PCDHA10: variants seen among roughly 807,000 people sequenced by gnomAD.
PCDHA10 encodes the protein protocadherin alpha 10.
A neutral mutation model predicts 61.2 loss-of-function variants in PCDHA10; 45 were observed. The ratio of observed to expected loss-of-function variants is 0.74; its 90% confidence interval spans 0.58 to 0.94. PCDHA10 has a LOEUF of 0.94. Among genes scored for constraint, PCDHA10 ranks in the 40% least tolerant of loss-of-function variants. PCDHA10 has a pLI of 0.00. For missense variants in PCDHA10, 1,278 were observed against 1,236.2 expected, an observed-to-expected ratio of 1.03 and a Z score of -0.51; for synonymous variants, 602 against 548.8, an observed-to-expected ratio of 1.10 and a Z score of -1.35.
chr5:140,934,337 A>G (rs1404340648), intron 1 of PCDHA10, among the ~76,000 whole-genome samples: 1 of 152,128 alleles, frequency 6.6e-6, no homozygotes, highest in African/African-American at 2.4e-5. Context: ...TGTAATAACC[A>G]CCAGTACAGT....
At chr5:140,880,042 G>A (rs530262393) in intron 1 of PCDHA10, among the ~76,000 whole-genome samples, 3 of 152,208 alleles carry the variant, frequency 2.0e-5, no homozygotes, top group Non-Finnish European at 4.4e-5. Flanking sequence ...CAGGGATTAA[G>A]ATGTGGGCAT....
Position 140,858,251 on chromosome 5 carries a change from C to A in PCDHA10, c.2203C>A (p.Pro735Thr). 6.3e-7 allele frequency: 1 copy of A among 1,596,688 alleles called. No homozygotes were observed. Among genetic ancestry groups the A allele is most frequent in the East Asian group, 2.2e-5 (1 of 44,810 alleles). The change falls in exon 1 of 4, where the codon CCC (proline) becomes ACC (threonine). Residue 735 changes from proline (P) to threonine (T), a missense_variant. Pro to Thr is a conservative substitution (Grantham distance 38, BLOSUM62 -1). Coordinates refer to ENST00000307360, the MANE Select transcript of PCDHA10 (RefSeq NM_018901.4). The stretch of plus-strand genomic sequence containing the variant: ...CGAGGGCGCATGTGGGCCGGTGAAG[C>A]CCACGCTGGTGTGCTCTAGCGCGGT... ...PTEGACGPVK[P>T]TLVCSSAVGS...
chr5:140,962,036 A>G (rs761594563), intron 1 of PCDHA10, among the ~76,000 whole-genome samples: 10 of 151,802 alleles, frequency 6.6e-5, no homozygotes, highest in Non-Finnish European at 1.2e-4. Flanking sequence ...GGCACCCACC[A>G]CCATGCCTGG....
chr5:140,988,500 C>T (rs1340106461), intron 3 of PCDHA10, among the ~76,000 whole-genome samples: 1 of 152,116 alleles, frequency 6.6e-6, no homozygotes, highest in Non-Finnish European at 1.5e-5. Flanking sequence ...TAGGAGAAGC[C>T]ATGAAGCTTA....
At chr5:140,866,347 A>G (rs1554160242) in intron 1 of PCDHA10, 2 of 152,140 alleles carry the variant, frequency 1.3e-5, no homozygotes, top group Admixed American at 6.5e-5. Context: ...GGATTCAAGA[A>G]ATGTTTACAA....
intron 1 of PCDHA10, among the ~76,000 whole-genome samples, chr5:140,891,735 A>G (rs1200695234): frequency 2.6e-5 from 4 of 152,172 alleles, no homozygotes; most frequent in African/African-American, 9.7e-5. Context: ...TGAAAATTCA[A>G]TCCCTTATAC....
At position 140,950,714 on chromosome 5, in the gene PCDHA10, TA is replaced by T. The variant is rs554168605; in HGVS notation, c.2389-28234del. On this transcript the variant is annotated intron_variant, in intron 1 of 3. Coordinates refer to ENST00000307360, the MANE Select transcript of PCDHA10 (RefSeq NM_018901.4). ...AAATTTGACAAATTTTTGTTCCTTA[TA>T]TCCTTAAATTTTTTAATCCTAATTT... Among the ~76,000 whole-genome samples the T allele has an allele frequency of 2.0e-3, 304 of 152,244 alleles. 4 individuals are homozygous for T. The highest frequency in any genetic ancestry group is 6.6e-3 in the African/African-American group (275 of 41,574).
chr5:140,973,590 A>G (rs562109843), intron 1 of PCDHA10, among the ~76,000 whole-genome samples: 3 of 152,340 alleles, frequency 2.0e-5, no homozygotes, highest in Non-Finnish European at 4.4e-5. Context: ...GCTGAGCCAG[A>G]TGGAATTATG....
At chr5:140,872,957 C>T (rs2054004795) in intron 1 of PCDHA10, among the ~76,000 whole-genome samples, 1 of 152,138 alleles carries the variant, frequency 6.6e-6, no homozygotes, top group African/African-American at 2.4e-5. Flanking sequence ...CACGTAGTAT[C>T]ATCCCATCTG....
At chr5:140,981,583 T>TA (rs2096939530) in intron 2 of PCDHA10, among the ~76,000 whole-genome samples, 1 of 152,098 alleles carries the variant, frequency 6.6e-6, no homozygotes, top group Non-Finnish European at 1.5e-5. Flanking sequence ...CAAAAATAAA[T>TA]AAAATAAAAC....
chr5:140,884,176 T>C, intron 1 of PCDHA10: 1 of 1,613,372 alleles, frequency 6.2e-7, no homozygotes, highest in South Asian at 1.1e-5. Flanking sequence ...CGACGCGCCC[T>C]CTGGACGAGG....
intron 1 of PCDHA10, among the ~76,000 whole-genome samples, chr5:140,938,344 G>A (rs569264531): frequency 6.6e-6 from 1 of 152,264 alleles, no homozygotes; most frequent in Non-Finnish European, 1.5e-5. Context: ...GGATAATCTT[G>A]TCTTATTCCT....
At chr5:140,869,682 A>AGG in intron 1 of PCDHA10, 3 of 1,613,466 alleles carry the variant, frequency 1.9e-6, no homozygotes, top group Non-Finnish European at 2.5e-6. Context: ...AAAGACTGTC[A>AGG]CTTATTTTAA....
intron 1 of PCDHA10, chr5:140,870,354 G>T: frequency 6.2e-7 from 1 of 1,614,226 alleles, no homozygotes; most frequent in Non-Finnish European, 8.5e-7. Context: ...GCGAGAACGT[G>T]TGGGCCTATG....
intron 3 of PCDHA10, among the ~76,000 whole-genome samples, chr5:140,986,365 C>T (rs530102099): frequency 2.0e-5 from 3 of 152,194 alleles, no homozygotes; most frequent in Non-Finnish European, 2.9e-5. Flanking sequence ...TGGAGGAATG[C>T]GTTTTGGGGG....
intron 3 of PCDHA10, among the ~76,000 whole-genome samples, chr5:141,002,270 G>T (rs1304168184): frequency 6.6e-6 from 1 of 152,172 alleles, no homozygotes; most frequent in Non-Finnish European, 1.5e-5. Context: ...CCCAGAGCTG[G>T]TAACAAAGGG....
At chr5:140,937,228 G>A (rs920892612) in intron 1 of PCDHA10, among the ~76,000 whole-genome samples, 1 of 151,718 alleles carries the variant, frequency 6.6e-6, no homozygotes, top group Admixed American at 6.6e-5. Context: ...TTGTAGAGAC[G>A]GGGTTTCACC....
intron 1 of PCDHA10, chr5:140,967,704 G>A: frequency 6.2e-7 from 1 of 1,614,196 alleles, no homozygotes; most frequent in Non-Finnish European, 8.5e-7. Context: ...ATAGATGCCA[G>A]TACCGGGGAA....
rs959323631 is a variant in PCDHA10 at position 140,967,718 on chromosome 5, C to A, written c.2389-11231C>A. The A allele has an allele frequency of 8.7e-6, 14 of 1,614,106 alleles. 1 individual carries two copies. The South Asian group carries it at 1.5e-4, about 18-fold the overall frequency. ...CATAGATGCCAGTACCGGGGAAGTG[C>A]GAGTAATTGGGGGGCTGGATTATGA... On this transcript the variant is annotated intron_variant, in intron 1 of 3. Transcript: ENST00000307360.
Sources: gnomAD v4.1 joint callset for allele counts (sites outside exome capture counted in the v4.1 genomes callset) on GRCh38, gnomAD v4.1.1 for gene constraint, MANE v1.5 for transcripts, NCBI Gene and HGNC (gene_info 2026-07-23, HGNC 2026-07-21) for gene names.